The following GPR82 variants were observed in gnomAD, a reference collection of about 807,000 sequenced individuals.
GPR82 encodes the protein G protein-coupled receptor 82.
Under a neutral mutation model 12.9 loss-of-function variants are expected in GPR82, and 6 were observed. The observed-to-expected ratio is 0.46, with a 90% CI of 0.25 to 0.92. The LOEUF (loss-of-function observed/expected upper bound fraction) is 0.92, where lower values mean the gene tolerates loss of function less well. Ranked by LOEUF, GPR82 falls within the 40% of genes least tolerant of loss-of-function variation. The pLI, the probability that GPR82 is intolerant of heterozygous loss-of-function variation, is 0.16. For synonymous variants in GPR82, 90 were observed against 87.6 expected (o/e 1.03, Z -0.15); for missense variants, 241 against 245.5 (o/e 0.98, Z 0.12).
In GPR82 at chrX:41,727,317, A is replaced by G; in HGVS notation, c.291A>G (p.Leu97=). ...QCRVVNFLGT[L]SMHASMFVSL... ...GAGTGGTCAATTTTCTGGGAACTCT[A>G]TCCATGCATGCAAGTATGTTTGTCA... Residue 97 remains leucine (L), a synonymous_variant, in exon 3 of 3, where the codon CTA becomes CTG. Transcript: ENST00000302548. 8.3e-7 allele frequency: 1 copy of G among 1,207,568 alleles called. No homozygotes were observed.
At position 41,726,764 on chromosome X, in the gene GPR82, G is replaced by GT. The variant is rs2068267999; in HGVS notation, c.-105-4dup. 4.4e-6 allele frequency: 1 copy of GT among 228,974 alleles called. No individual in the cohort carries two copies. 18.9% of individuals were successfully genotyped at this position (228,974 alleles called of 1,213,427 possible). A position where few individuals can be genotyped will look rare whatever the true frequency, so the allele number is the denominator to read the frequency against. On this transcript the variant is annotated splice_polypyrimidine_tract_variant and intron_variant, in intron 1 of 2. Transcript: ENST00000302548. ...CATGTAACTATTCACATCAAATTTT[G>GT]TTTTTCAGACAAAGGCATTATCCAT...
At chrX:41,726,934 C>T (rs2068271120) in intron 2 of GPR82, 59 bp from the exon 3 acceptor site, 5 of 425,235 alleles carry the variant, frequency 1.2e-5, no homozygotes, top group Admixed American at 4.7e-5. Flanking sequence ...AAAAACTATT[C>T]AGCTTAAATA....
chrX:41,726,993 C>T lies in GPR82; in HGVS notation c.-34C>T, dbSNP rs773818968. 1.2e-6 allele frequency: 1 copy of T among 869,463 alleles called. No individual in the cohort carries two copies. Among genetic ancestry groups the T allele is most frequent in the African/African-American group, 2.0e-5 (1 of 49,427 alleles). 71.7% of individuals were successfully genotyped at this position (869,463 alleles called of 1,213,427 possible). ...TTAAATATCTGCAATTCTATTCTAG[C>T]TCCTGTGACAAAATTCAAGAAAACC... On this transcript the variant is annotated splice_region_variant and 5_prime_UTR_variant, in exon 3 of 3. Coordinates refer to ENST00000302548, the MANE Select transcript of GPR82 (RefSeq NM_080817.5).
Position 41,728,133 on chromosome X carries a change from A to G in GPR82, c.*96A>G, listed in dbSNP as rs1290271234. On this transcript the variant is annotated 3_prime_UTR_variant, in exon 3 of 3. Coordinates refer to ENST00000302548, the MANE Select transcript of GPR82 (RefSeq NM_080817.5). ...TCATTAACATGTCACAGCTTGGTTGACAATAATCACCAAGAAAATCTCTTT... is the reference window on the plus strand; with the variant it reads ...TCATTAACATGTCACAGCTTGGTTGGCAATAATCACCAAGAAAATCTCTTT... The G allele has an allele frequency of 1.0e-5, 4 of 399,080 alleles. No homozygotes were observed. Among genetic ancestry groups the G allele is most frequent in the African/African-American group, 7.8e-5 (3 of 38,480 alleles). The allele number at this position is 399,080 out of a possible 1,213,427, so 32.9% of individuals were successfully genotyped here.
rs1464667118 is a variant in GPR82, at chrX:41,727,176, G to A, written c.150G>A (p.Thr50=). The stretch of plus-strand genomic sequence containing the variant: ...CAAAAATAGGTAAAAAAACATCAAC[G>A]CACATCTACCTGTCACACCTTGTGA... ...FLTKIGKKTS[T]HIYLSHLVTA... is the part of the protein sequence containing the mutation. The change falls in exon 3 of 3, where the codon ACG becomes ACA. Residue 50 remains threonine, a synonymous_variant. Transcript: ENST00000302548. 4.1e-6 allele frequency: 5 copies of A among 1,204,899 alleles called. No homozygotes were observed. In the Admixed American group the frequency reaches 6.6e-5, roughly 16 times the overall value.
chrX:41,729,589 G>A lies in GPR82; in HGVS notation c.*1552G>A, dbSNP rs1208608438. The A allele has an allele frequency of 1.8e-5, 2 of 109,811 alleles. No homozygotes were observed. Among genetic ancestry groups the A allele is most frequent in the Non-Finnish European group, 3.9e-5 (2 of 51,169 alleles). The allele number at this position is 109,811 out of a possible 1,213,427, so 9.0% of individuals were successfully genotyped here. A position where few individuals can be genotyped will look rare whatever the true frequency, so the allele number is the denominator to read the frequency against. ...AAAAATTAGCTGGGCGTGGTGGTGT[G>A]TGCCTGTAGTCCCAGCTACTTGGGA... On this transcript the variant is annotated 3_prime_UTR_variant, in exon 3 of 3. Coordinates refer to ENST00000302548, the MANE Select transcript of GPR82 (RefSeq NM_080817.5).
intron 1 of GPR82, among the ~76,000 whole-genome samples, chrX:41,725,112 ATG>A (rs961283476): frequency 8.9e-6 from 1 of 111,906 alleles, no homozygotes; most frequent in African/African-American, 3.2e-5. Context: ...CAAACTTACA[ATG>A]AAGCATATGG....
At position 41,728,033 on chromosome X, in the gene GPR82, G is replaced by A. The variant is rs1602531701; in HGVS notation, c.1007G>A (p.Gly336Asp). Residue 336 changes from glycine to aspartate, a missense_variant, in exon 3 of 3, where the codon GGT becomes GAT. By Grantham distance (94) the Gly-to-Asp change is moderately conservative (BLOSUM62 -1). Coordinates refer to ENST00000302548, the MANE Select transcript of GPR82 (RefSeq NM_080817.5). ...AATTCAGCACATATGCAATCATATG[G>A]TTGACTTTTGAATGGAAAACCCCAC... ...KSNSAHMQSY[G>D] 2 of 1,074,334 alleles carry A rather than the reference G, an allele frequency of 1.9e-6. No homozygotes were observed. The highest frequency in any genetic ancestry group is 3.1e-5 in the East Asian group (1 of 31,849). The allele number at this position is 1,074,334 out of a possible 1,213,427, so 88.5% of individuals were successfully genotyped here.
intron 1 of GPR82, 79 bp downstream of exon 1, chrX:41,724,368 GA>G (rs2068218808): frequency 8.9e-6 from 1 of 112,498 alleles, no homozygotes; most frequent in South Asian, 3.6e-4. Flanking sequence ...TTTAAATTTT[GA>G]AAGCTGATCA....
At position 41,727,158 on chromosome X, in the gene GPR82, AG is replaced by A; in HGVS notation, c.134del (p.Gly45ValfsTer14). ...LSQWIFLTKIGKKTSTHIYLS... is the reference protein window; with the variant it reads ...LSQWIFLTKIXKKTSTHIYLS... ...CTCAATGGATATTTTTAACAAAAAT[AG>A]GTAAAAAAACATCAACGCACATCTA... On this transcript the variant is annotated frameshift_variant, in exon 3 of 3. Coordinates refer to ENST00000302548, the MANE Select transcript of GPR82 (RefSeq NM_080817.5). LOFTEE classifies it high-confidence loss of function. 1 of 1,206,275 alleles carries A rather than the reference AG, an allele frequency of 8.3e-7. No individual in the cohort carries two copies. The highest frequency in any genetic ancestry group is 1.1e-6 in the Non-Finnish European group (1 of 890,566).
In GPR82 at chrX:41,729,399, C is replaced by T. The variant is rs73193132; in HGVS notation, c.*1362C>T. Reference sequence around the variant, plus strand: ...ATATATTATTTTAATCACCACAACTCTAAAGTATACTAATTTACTGATGAA... The same window carrying T: ...ATATATTATTTTAATCACCACAACTTTAAAGTATACTAATTTACTGATGAA... On this transcript the variant is annotated 3_prime_UTR_variant, in exon 3 of 3. Transcript: ENST00000302548. The T allele has an allele frequency of 7.2e-3, 879 of 121,774 alleles. 4 individuals are homozygous for T. The highest frequency in any genetic ancestry group is 0.012 in the Non-Finnish European group (628 of 52,955). 10.0% of individuals were successfully genotyped at this position (121,774 alleles called of 1,213,427 possible). A position where few individuals can be genotyped will look rare whatever the true frequency, so the allele number is the denominator to read the frequency against.
chrX:41,724,979 C>G (rs1045596727), intron 1 of GPR82, among the ~76,000 whole-genome samples: 8 of 111,844 alleles, frequency 7.2e-5, no homozygotes, highest in African/African-American at 2.6e-4. Flanking sequence ...TAAACTGGCT[C>G]ATTTCACTGT....
rs1035354386 is a variant in GPR82, at chrX:41,726,889, T to G, written c.-35+46T>G. 2.0e-4 allele frequency: 70 copies of G among 355,830 alleles called. 1 individual carries two copies. The Middle Eastern group carries it at 2.3e-3, about 12-fold the overall frequency. 29.3% of individuals were successfully genotyped at this position (355,830 alleles called of 1,213,427 possible). A position where few individuals can be genotyped will look rare whatever the true frequency, so the allele number is the denominator to read the frequency against. The stretch of plus-strand genomic sequence containing the variant: ...TCCCGTTCCATCCAATACATTTTTG[T>G]TACTATTTTATTTAATTCAATGTTT... On this transcript the variant is annotated intron_variant, in intron 2 of 2. Transcript: ENST00000302548.
rs1201747297 is a variant in GPR82, at chrX:41,730,096, A to C, written c.*2059A>C. On this transcript the variant is annotated 3_prime_UTR_variant, in exon 3 of 3. Transcript: ENST00000302548. ...ATATTCTCTTCTCAGATAACCAAAC[A>C]AAAACAGCTGAATAAAATCAACCAT... 1.1e-4 allele frequency: 14 copies of C among 121,922 alleles called. No homozygotes were observed. Among genetic ancestry groups the C allele is most frequent in the African/African-American group, 4.6e-4 (14 of 30,464 alleles). The allele number at this position is 121,922 out of a possible 1,213,427, so 10.0% of individuals were successfully genotyped here. A position where few individuals can be genotyped will look rare whatever the true frequency, so the allele number is the denominator to read the frequency against.
chrX:41,727,855 C>G lies in GPR82; in HGVS notation c.829C>G (p.Gln277Glu), dbSNP rs2068293220. Residue 277 changes from glutamine to glutamate, a missense_variant, in exon 3 of 3, where the codon CAA becomes GAA. Gln to Glu is a conservative substitution (Grantham distance 29, BLOSUM62 2). Coordinates refer to ENST00000302548, the MANE Select transcript of GPR82 (RefSeq NM_080817.5). The part of the protein sequence containing the change: ...IFKPIFYVLH[Q>E]RDNCQQLNYL... ...TAAACCCATTTTTTATGTTCTACAC[C>G]AAAGAGATAACTGTCAGCAATTGAA... 3 of 1,193,730 alleles carry G rather than the reference C, an allele frequency of 2.5e-6. No individual in the cohort carries two copies. The East Asian group carries it at 8.9e-5, about 35-fold the overall frequency.
rs1379317171 is a variant in GPR82, at chrX:41,727,538, C to T, written c.512C>T (p.Thr171Ile). The T allele has an allele frequency of 8.3e-7, 1 of 1,207,313 alleles. No individual in the cohort carries two copies. The change falls in exon 3 of 3, where the codon ACC becomes ATC. Residue 171 changes from threonine (T) to isoleucine (I), a missense_variant. Coordinates refer to ENST00000302548, the MANE Select transcript of GPR82 (RefSeq NM_080817.5). Reference protein sequence around the residue: ...GVVLGIIIPVTVYYSVIEATE... With the variant: ...GVVLGIIIPVIVYYSVIEATE... ...GTACTGGGCATAATCATTCCAGTTA[C>T]CGTATACTACTCAGTCATAGAGGCT...
rs1449894839 is a variant in GPR82 at position 41,728,506 on chromosome X, G to A, written c.*469G>A. 1 of 123,568 alleles carries A rather than the reference G, an allele frequency of 8.1e-6. No individual in the cohort carries two copies. Among genetic ancestry groups the A allele is most frequent in the Non-Finnish European group, 1.9e-5 (1 of 53,506 alleles). 10.2% of individuals were successfully genotyped at this position (123,568 alleles called of 1,213,427 possible). Reference sequence around the variant, plus strand: ...GCCTGTAATCCCAGCACTTTGGGAGGCTGAGGTGGGTGGATCATTTTGAGG... The same window carrying A: ...GCCTGTAATCCCAGCACTTTGGGAGACTGAGGTGGGTGGATCATTTTGAGG... On this transcript the variant is annotated 3_prime_UTR_variant, in exon 3 of 3. Coordinates refer to ENST00000302548, the MANE Select transcript of GPR82 (RefSeq NM_080817.5).
chrX:41,728,062 ATT>A lies in GPR82; in HGVS notation c.*26_*27del. On this transcript the variant is annotated 3_prime_UTR_variant, in exon 3 of 3. Coordinates refer to ENST00000302548, the MANE Select transcript of GPR82 (RefSeq NM_080817.5). ...ACTTTTGAATGGAAAACCCCACAAT[ATT>A]AAGAAAAGCATTCATGTGACTTTAT... 1.1e-6 allele frequency: 1 copy of A among 913,647 alleles called. No homozygotes were observed. The highest frequency in any genetic ancestry group is 1.5e-6 in the Non-Finnish European group (1 of 673,864). The allele number at this position is 913,647 out of a possible 1,213,427, so 75.3% of individuals were successfully genotyped here.
At position 41,729,591 on chromosome X, in the gene GPR82, G is replaced by A. The variant is rs1346995392; in HGVS notation, c.*1554G>A. 4.6e-5 allele frequency: 5 copies of A among 109,659 alleles called. No homozygotes were observed. Among genetic ancestry groups the A allele is most frequent in the African/African-American group, 1.4e-4 (4 of 28,517 alleles). The allele number at this position is 109,659 out of a possible 1,213,427, so 9.0% of individuals were successfully genotyped here. A position where few individuals can be genotyped will look rare whatever the true frequency, so the allele number is the denominator to read the frequency against. The stretch of plus-strand genomic sequence containing the variant: ...AAATTAGCTGGGCGTGGTGGTGTGT[G>A]CCTGTAGTCCCAGCTACTTGGGAGG... On this transcript the variant is annotated 3_prime_UTR_variant, in exon 3 of 3. Transcript: ENST00000302548.
Sources: gnomAD v4.1 joint callset for allele counts (sites outside exome capture counted in the v4.1 genomes callset) on GRCh38, gnomAD v4.1.1 for gene constraint, MANE v1.5 for transcripts, NCBI Gene and HGNC (gene_info 2026-07-23, HGNC 2026-07-21) for gene names.